The following CPM variants were observed in gnomAD, a reference collection of about 807,000 sequenced individuals.
The protein encoded by CPM is carboxypeptidase M.
Under a neutral mutation model 46.4 loss-of-function variants are expected in CPM, and 35 were observed. That is an observed-to-expected ratio of 0.75 (90% CI 0.58 to 1.00). The LOEUF (loss-of-function observed/expected upper bound fraction) is 1.00. Among genes scored for constraint, CPM ranks in the 50% least tolerant of loss-of-function variants. CPM has a pLI of 0.00. For missense variants in CPM, 422 were observed against 530.4 expected, an observed-to-expected ratio of 0.80 and a Z score of 2.01; for synonymous variants, 195 against 195.3, an observed-to-expected ratio of 1.00 and a Z score of 0.01.
intron 1 of CPM, among the ~76,000 whole-genome samples, chr12:68,941,532 C>T (rs1039775216): frequency 1.3e-5 from 2 of 151,952 alleles, no homozygotes; most frequent in African/African-American, 4.8e-5. Context: ...TACCACCACG[C>T]ATGGCTATTT....
intron 1 of CPM, among the ~76,000 whole-genome samples, chr12:68,955,501 G>A (rs867473025): frequency 4.5e-5 from 6 of 132,434 alleles, no homozygotes; most frequent in African/African-American, 8.2e-5. Context: ...GTGTGTGTGG[G>A]GGTGGGGGGG....
chr12:68,882,402 CT>C (rs35579795), intron 3 of CPM, among the ~76,000 whole-genome samples: 22,635 of 151,856 alleles, frequency 0.15, 3,397 homozygotes, highest in African/African-American at 0.38. Flanking sequence ...TGATCTTGTT[CT>C]TTTTTCATGG....
intron 1 of CPM, among the ~76,000 whole-genome samples, chr12:68,941,830 T>C (rs1005094748): frequency 2.0e-5 from 3 of 152,198 alleles, no homozygotes; most frequent in African/African-American, 7.2e-5. Flanking sequence ...CTCAGATCAG[T>C]ACCCCCAGCA....
intron 1 of CPM, among the ~76,000 whole-genome samples, chr12:68,950,926 A>T (rs1888924290): frequency 6.6e-6 from 1 of 152,210 alleles, no homozygotes; most frequent in African/African-American, 2.4e-5. Flanking sequence ...TTCCCTGCAG[A>T]CTGCAGACCC....
intron 3 of CPM, 47 bp downstream of exon 3, chr12:68,885,745 G>A (rs1461291601): frequency 1.4e-6 from 2 of 1,466,864 alleles, no homozygotes; most frequent in African/African-American, 2.8e-5. Context: ...GAGACCCTAG[G>A]GGAAGCTTCT....
chr12:68,908,396 C>CTTT (rs552096776), intron 2 of CPM, among the ~76,000 whole-genome samples: 1 of 140,898 alleles, frequency 7.1e-6, no homozygotes. Flanking sequence ...CAGGACACAG[C>CTTT]TTTTTTTTTT....
chr12:68,863,009 T>G (rs1885277170), intron 7 of CPM, among the ~76,000 whole-genome samples: 1 of 152,178 alleles, frequency 6.6e-6, no homozygotes, highest in African/African-American at 2.4e-5. Context: ...GCTTCATGAA[T>G]GAAAAGTCTT....
chr12:68,920,699 C>T (rs2642558), intron 2 of CPM, among the ~76,000 whole-genome samples: 93,804 of 124,512 alleles, frequency 0.75, 35,489 homozygotes, highest in African/African-American at 0.85. Flanking sequence ...TTTTCTTTTT[C>T]TTTTTTTTTT....
chr12:68,877,012 C>T (rs745506921), intron 3 of CPM, among the ~76,000 whole-genome samples: 10 of 152,108 alleles, frequency 6.6e-5, no homozygotes, highest in Non-Finnish European at 1.2e-4. Context: ...GGGGGAAAGT[C>T]ATCGGGCTGT....
chr12:68,858,959 A>G lies in CPM; in HGVS notation c.1053T>C (p.Tyr351=). The G allele has an allele frequency of 6.5e-7, 1 of 1,546,866 alleles. No individual in the cohort carries two copies. Among genetic ancestry groups the G allele is most frequent in the Non-Finnish European group, 8.7e-7 (1 of 1,146,872 alleles). Residue 351 remains tyrosine (Y), a synonymous_variant, in exon 8 of 9, where the codon TAT becomes TAC. Coordinates refer to ENST00000551568, the MANE Select transcript of CPM (RefSeq NM_198320.5). ...AAGACCCAGGCAAGAGAAGGAGATAATACTCTCCATATTTGTTGGTTCTAT... is the reference window on the plus strand; with the variant it reads ...AAGACCCAGGCAAGAGAAGGAGATAGTACTCTCCATATTTGTTGGTTCTAT... ...CPYRTNKYGE[Y]YLLLLPGSYI... is the part of the protein sequence containing the mutation.
At chr12:68,885,300 G>A (rs1205037985) in intron 3 of CPM, among the ~76,000 whole-genome samples, 1 of 152,170 alleles carries the variant, frequency 6.6e-6, no homozygotes, top group Non-Finnish European at 1.5e-5. Context: ...GTCTAAACTG[G>A]AGCACTGAAG....
At chr12:68,847,448 C>CTTTATTTT (rs1461223164), downstream of CPM, 1 of 66,774 alleles carries the variant, frequency 1.5e-5, no homozygotes. Context: ...TTTGTATCTC[C>CTTTATTTT]TTTCTTTTTT....
chr12:68,894,141 C>G (rs1223333211), intron 2 of CPM, among the ~76,000 whole-genome samples: 1 of 152,156 alleles, frequency 6.6e-6, no homozygotes, highest in South Asian at 2.1e-4. Flanking sequence ...ACTCTCTAAT[C>G]CTGTGTCATC....
At chr12:68,847,214 T>TATATATATATATATATA (rs1884378595), downstream of CPM, 2 of 52,582 alleles carry the variant, frequency 3.8e-5, no homozygotes, top group African/African-American at 1.6e-4. Flanking sequence ...ATATATATAC[T>TATATATATATATATATA]TTTTTTAGAG....
At chr12:68,916,693 A>C (rs1168504476) in intron 2 of CPM, among the ~76,000 whole-genome samples, 1 of 152,130 alleles carries the variant, frequency 6.6e-6, no homozygotes, top group African/African-American at 2.4e-5. Context: ...GTTCGAGACC[A>C]ACCTGGACAA....
At chr12:68,866,710 G>C in intron 7 of CPM, 186 bp downstream of exon 7, 1 of 557,512 alleles carries the variant, frequency 1.8e-6, no homozygotes, top group Non-Finnish European at 3.1e-6. Context: ...CTATGAATGA[G>C]TGGGCACTGC....
chr12:68,960,138 G>A (rs1053787082), intron 1 of CPM, among the ~76,000 whole-genome samples: 1 of 152,084 alleles, frequency 6.6e-6, no homozygotes, highest in African/African-American at 2.4e-5. Flanking sequence ...TTGTAAAACT[G>A]GAAAAAAGGA....
rs1411608283 is a variant in CPM at position 68,873,946 on chromosome 12, C to T, written c.259-1990G>A. On this transcript the variant is annotated intron_variant, in intron 3 of 8. Coordinates refer to ENST00000551568, the MANE Select transcript of CPM (RefSeq NM_198320.5). ...TCACCCTCCCAAGTAGCTGAGATTA[C>T]AGGTGCCCACCAGCATGTCTGGCTA... Among the ~76,000 whole-genome samples the T allele has an allele frequency of 2.0e-5, 3 of 152,016 alleles. No homozygotes were observed. In the South Asian group the frequency reaches 6.2e-4, roughly 32 times the overall value.
chr12:68,870,221 C>T lies in CPM; in HGVS notation c.610G>A (p.Val204Ile). 2 of 1,613,142 alleles carry T rather than the reference C, an allele frequency of 1.2e-6. No homozygotes were observed. Among genetic ancestry groups the T allele is most frequent in the Non-Finnish European group, 1.7e-6 (2 of 1,179,630 alleles). Residue 204 changes from valine (V) to isoleucine (I), a missense_variant, in exon 5 of 9, where the codon GTT (valine) becomes ATT (isoleucine). By Grantham distance (29) the Val-to-Ile change is conservative. Coordinates refer to ENST00000551568, the MANE Select transcript of CPM (RefSeq NM_198320.5). ...TGGACCCGCACCTGCTTACCTTGAA[C>T]ACCATTATCAAATGGGTAACTGGCC... Reference protein sequence around the residue: ...LVASYPFDNGVQATGALYSRS... With the variant: ...LVASYPFDNGIQATGALYSRS...
Sources: allele counts gnomAD v4.1 joint callset (sites outside exome capture counted in the v4.1 genomes callset), GRCh38; gene constraint gnomAD v4.1.1; transcripts MANE v1.5; gene names NCBI Gene and HGNC (gene_info 2026-07-23, HGNC 2026-07-21).